Variants in SETD3 observed in about 807,000 individuals in gnomAD.
SETD3 encodes SET domain containing 3, actin N3(tau)-histidine methyltransferase, also known as actin-histidine N-methyltransferase.
In SETD3, 19 loss-of-function variants were observed where a neutral mutation model predicts 63.0. The observed-to-expected ratio is 0.30, with a 90% CI of 0.21 to 0.44. SETD3 has a LOEUF of 0.44. Among genes scored for constraint, SETD3 ranks in the 20% least tolerant of loss-of-function variants. SETD3 has a pLI of 1.00. For missense variants in SETD3, 587 were observed against 728.5 expected (o/e 0.81, Z 2.24); for synonymous variants, 286 against 264.1 (o/e 1.08, Z -0.80).
chr14:99,433,873 T>TA (rs1893320320), intron 6 of SETD3, among the ~76,000 whole-genome samples: 1 of 152,178 alleles, frequency 6.6e-6, no homozygotes, highest in African/African-American at 2.4e-5. Context: ...CCATAAATAA[T>TA]ACTACATGTC....
At chr14:99,461,121 C>T in intron 4 of SETD3, 71 bp downstream of exon 4, 1 of 1,553,514 alleles carries the variant, frequency 6.4e-7, no homozygotes, top group African/African-American at 1.4e-5. Flanking sequence ...TACCTCTTCA[C>T]CCTGCGCCCT....
chr14:99,461,235 A>G lies in SETD3; in HGVS notation c.302T>C (p.Phe101Ser). The change falls in exon 4 of 13, where the codon TTC (phenylalanine) becomes TCC (serine). Residue 101 changes from phenylalanine to serine, a missense_variant. By Grantham distance (155) the Phe-to-Ser change is radical. Transcript: ENST00000331768. The stretch of plus-strand genomic sequence containing the variant: ...TCTCAAACCAAAGCCCTCTTCTTTG[A>G]AGTTAACCATTTCAAAACCCTCGAC... ...ASVEGFEMVN[F>S]KEEGFGLRAT... is the part of the protein sequence containing the mutation. The G allele has an allele frequency of 6.2e-7, 1 of 1,614,202 alleles. No individual in the cohort carries two copies. Among genetic ancestry groups the G allele is most frequent in the African/African-American group, 1.3e-5 (1 of 75,050 alleles).
chr14:99,439,511 T>A (rs1893668295), intron 6 of SETD3, among the ~76,000 whole-genome samples: 1 of 151,730 alleles, frequency 6.6e-6, no homozygotes, highest in Non-Finnish European at 1.5e-5. Context: ...TTATAGTACC[T>A]ATGACCGAAC....
At chr14:99,448,225 A>C (rs773654640) in intron 6 of SETD3, among the ~76,000 whole-genome samples, 2 of 152,150 alleles carry the variant, frequency 1.3e-5, no homozygotes, top group African/African-American at 2.4e-5. Flanking sequence ...ATGAGGACTG[A>C]AACTCCCTCA....
chr14:99,442,171 T>C lies in SETD3; in HGVS notation c.675+16108A>G, dbSNP rs1237448708. Among the ~76,000 whole-genome samples the C allele has an allele frequency of 2.6e-5, 4 of 152,214 alleles. No homozygotes were observed. The South Asian group carries it at 8.3e-4, about 32-fold the overall frequency. On this transcript the variant is annotated intron_variant, in intron 6 of 12. Coordinates refer to ENST00000331768, the MANE Select transcript of SETD3 (RefSeq NM_032233.3). ...CCTAGCCACTTCCTGGCTGTGAAAC[T>C]TCAGGGAGTCTCAGTTCCTCAGTAA...
intron 6 of SETD3, among the ~76,000 whole-genome samples, chr14:99,444,658 A>G (rs1894027587): frequency 6.6e-6 from 1 of 152,146 alleles, no homozygotes; most frequent in African/African-American, 2.4e-5. Context: ...CATGAATTTG[A>G]GATCAGCCTG....
intron 6 of SETD3, among the ~76,000 whole-genome samples, chr14:99,453,905 A>T (rs1894607308): frequency 6.6e-6 from 1 of 152,192 alleles, no homozygotes; most frequent in Non-Finnish European, 1.5e-5. Flanking sequence ...ACCCATGTTA[A>T]GTGACTGTCA....
At chr14:99,483,514 C>T (rs1896407864), upstream of SETD3, among the ~76,000 whole-genome samples, 3 of 152,160 alleles carry the variant, frequency 2.0e-5, no homozygotes, top group Non-Finnish European at 4.4e-5. Context: ...CGGGTGACTG[C>T]GCTCCAGCCT....
At chr14:99,466,201 C>T (rs976414126) in intron 1 of SETD3, among the ~76,000 whole-genome samples, 1 of 152,188 alleles carries the variant, frequency 6.6e-6, no homozygotes, top group Non-Finnish European at 1.5e-5. Context: ...ATTCTCTCCC[C>T]ACTTTGCCTT....
At chr14:99,404,685 T>TA (rs927002594) in intron 10 of SETD3, among the ~76,000 whole-genome samples, 13 of 151,846 alleles carry the variant, frequency 8.6e-5, no homozygotes, top group African/African-American at 2.7e-4. Flanking sequence ...ACAAGTTCAA[T>TA]AAAAAAAAGG....
intron 6 of SETD3, among the ~76,000 whole-genome samples, chr14:99,432,630 T>C (rs1405215146): frequency 2.0e-5 from 3 of 152,188 alleles, no homozygotes; most frequent in Non-Finnish European, 4.4e-5. Flanking sequence ...ATTCTTCTCA[T>C]CACATCTACA....
chr14:99,481,743 A>C (rs188213437), upstream of SETD3: 7 of 362,458 alleles, frequency 1.9e-5, no homozygotes, highest in East Asian at 2.8e-4. Flanking sequence ...ACTGGGGGGC[A>C]GTCAGAGTTG....
intron 6 of SETD3, among the ~76,000 whole-genome samples, chr14:99,429,031 G>A (rs1410307165): frequency 6.6e-6 from 1 of 152,100 alleles, no homozygotes; most frequent in Non-Finnish European, 1.5e-5. Flanking sequence ...ATGAACTTCT[G>A]GGTGTACTTC....
At chr14:99,422,715 C>T (rs572778362) in intron 6 of SETD3, among the ~76,000 whole-genome samples, 2 of 152,310 alleles carry the variant, frequency 1.3e-5, no homozygotes, top group South Asian at 2.1e-4. Context: ...GCCTTGTCAC[C>T]AGCTGCCAGG....
At chr14:99,441,007 CA>C (rs1300704525) in intron 6 of SETD3, among the ~76,000 whole-genome samples, 32 of 152,320 alleles carry the variant, frequency 2.1e-4, no homozygotes, top group African/African-American at 7.5e-4. Flanking sequence ...GGCCTGTGAG[CA>C]GAGTGACAGT....
chr14:99,423,588 CAAA>C (rs536996347), intron 6 of SETD3, among the ~76,000 whole-genome samples: 71 of 36,888 alleles, frequency 1.9e-3, no homozygotes, highest in African/African-American at 4.4e-3. Flanking sequence ...CACTGTTATG[CAAA>C]AAAAAAAAAA....
intron 4 of SETD3, among the ~76,000 whole-genome samples, chr14:99,459,654 T>C (rs1255031087): frequency 1.3e-5 from 2 of 152,230 alleles, no homozygotes; most frequent in African/African-American, 4.8e-5. Context: ...CATACTTATC[T>C]TTAAAGCACA....
chr14:99,403,850 C>G (rs995341193), intron 11 of SETD3, among the ~76,000 whole-genome samples: 1 of 152,212 alleles, frequency 6.6e-6, no homozygotes, highest in Non-Finnish European at 1.5e-5. Flanking sequence ...CACAACATCA[C>G]AGCATCAACT....
At chr14:99,416,962 T>C (rs1018213837) in intron 6 of SETD3, among the ~76,000 whole-genome samples, 1 of 152,090 alleles carries the variant, frequency 6.6e-6, no homozygotes, top group Non-Finnish European at 1.5e-5. Context: ...GAGTACAAAA[T>C]AATCACTACG....
Sources: allele counts gnomAD v4.1 joint callset (sites outside exome capture counted in the v4.1 genomes callset), GRCh38; gene constraint gnomAD v4.1.1; transcripts MANE v1.5; gene names NCBI Gene and HGNC (gene_info 2026-07-23, HGNC 2026-07-21).